SLIT2: variants seen among roughly 807,000 people sequenced by gnomAD.
SLIT2 encodes slit guidance ligand 2.
Under a neutral mutation model 185.7 loss-of-function variants are expected in SLIT2, and 41 were observed. That is an observed-to-expected ratio of 0.22 (90% CI 0.17 to 0.29). SLIT2 has a LOEUF of 0.29. Ranked by LOEUF, SLIT2 falls within the 10% of genes least tolerant of loss-of-function variation. The pLI is 1.00. For missense variants in SLIT2, 1,571 were observed against 1,909.0 expected (o/e 0.82, Z 3.30); for synonymous variants, 693 against 680.2 (o/e 1.02, Z -0.29).
At chr4:20,386,015 C>T (rs1724909989) in intron 4 of SLIT2, among the ~76,000 whole-genome samples, 1 of 152,182 alleles carries the variant, frequency 6.6e-6, no homozygotes, top group South Asian at 2.1e-4. Flanking sequence ...GTTATAACGG[C>T]CAAAGTCCAG....
chr4:20,333,546 C>A (rs1288351285), intron 4 of SLIT2, among the ~76,000 whole-genome samples: 1 of 152,096 alleles, frequency 6.6e-6, no homozygotes, highest in East Asian at 1.9e-4. Flanking sequence ...TGAAAATCAT[C>A]CTTGCTTACT....
In SLIT2 at chr4:20,568,878, G is replaced by A. The variant is rs966328291; in HGVS notation, c.2962G>A (p.Asp988Asn). Reference sequence around the variant, plus strand: ...TCTGGCATTCAGGTGTATTTGTGCTGATGGATTTGAAGGAGAAAATTGTGA... The same window carrying A: ...TCTGGCATTCAGGTGTATTTGTGCTAATGGATTTGAAGGAGAAAATTGTGA... ...EEDGFWCICA[D>N]GFEGENCEVN... The change falls in exon 29 of 37, where the codon GAT (aspartate) becomes AAT (asparagine). Residue 988 changes from aspartate (D) to asparagine (N), a missense_variant. By Grantham distance (23) the Asp-to-Asn change is conservative. Coordinates refer to ENST00000504154, the MANE Select transcript of SLIT2 (RefSeq NM_004787.4). 4 of 1,612,266 alleles carry A rather than the reference G, an allele frequency of 2.5e-6. No individual in the cohort carries two copies. The highest frequency in any genetic ancestry group is 3.4e-6 in the Non-Finnish European group (4 of 1,178,724).
chr4:20,253,600 C>T lies in SLIT2; in HGVS notation c.-216C>T, dbSNP rs1722210422. ...TCAGGACCTAAAGTTGCCCAAGGAG[C>T]TCCTGCTCTGCCAGAGGAGGGTGGA... On this transcript the variant is annotated 5_prime_UTR_variant, in exon 1 of 37. Transcript: ENST00000504154. 3 of 601,296 alleles carry T rather than the reference C, an allele frequency of 5.0e-6. No individual in the cohort carries two copies. Among genetic ancestry groups the T allele is most frequent in the South Asian group, 2.0e-5 (1 of 49,528 alleles). 37.2% of individuals were successfully genotyped at this position (601,296 alleles called of 1,614,324 possible).
At chr4:20,271,269 GA>G (rs146445431) in intron 4 of SLIT2, among the ~76,000 whole-genome samples, 5 of 150,774 alleles carry the variant, frequency 3.3e-5, no homozygotes, top group African/African-American at 1.2e-4. Context: ...AAATAATGGG[GA>G]AAAATGATAG....
chr4:20,521,102 C>G (rs926141010), intron 12 of SLIT2, among the ~76,000 whole-genome samples: 1 of 152,208 alleles, frequency 6.6e-6, no homozygotes, highest in African/African-American at 2.4e-5. Flanking sequence ...TTCACAATCA[C>G]TCTATCACTG....
chr4:20,606,990 T>G (rs2148974916), intron 33 of SLIT2, among the ~76,000 whole-genome samples: 1 of 152,312 alleles, frequency 6.6e-6, no homozygotes, highest in African/African-American at 2.4e-5. Flanking sequence ...GCACATACAC[T>G]TGAGCTGGAC....
intron 5 of SLIT2, among the ~76,000 whole-genome samples, chr4:20,475,316 GTTT>G (rs5856561): frequency 2.8e-5 from 4 of 140,804 alleles, no homozygotes; most frequent in African/African-American, 7.8e-5. Flanking sequence ...TGAGGTTTTG[GTTT>G]TTTTTTTTTT....
rs547534404 is a variant in SLIT2, at chr4:20,598,966, G to GGAA, written c.3692+573_3692+575dup. Among the ~76,000 whole-genome samples the GGAA allele has an allele frequency of 1.4e-3, 211 of 152,240 alleles. 1 individual carries two copies. The highest frequency in any genetic ancestry group is 0.01 in the Middle Eastern group (3 of 294). On this transcript the variant is annotated intron_variant, in intron 33 of 36. Coordinates refer to ENST00000504154, the MANE Select transcript of SLIT2 (RefSeq NM_004787.4). ...GGCTCAGAGCTGGGTAAAGAAAGTTGGAAGGGAGCTCCAGAGAATCAAATG... is the reference window on the plus strand; with the variant it reads ...GGCTCAGAGCTGGGTAAAGAAAGTTGGAAGAAGGGAGCTCCAGAGAATCAAATG...
intron 9 of SLIT2, among the ~76,000 whole-genome samples, chr4:20,505,927 A>G (rs1457929961): frequency 6.6e-6 from 1 of 152,114 alleles, no homozygotes; most frequent in Non-Finnish European, 1.5e-5. Flanking sequence ...AAGTGGAGAC[A>G]GAATGGGAAG....
chr4:20,339,129 A>ATTAAATAT (rs1373493323), intron 4 of SLIT2, among the ~76,000 whole-genome samples: 3 of 150,676 alleles, frequency 2.0e-5, no homozygotes, highest in Non-Finnish European at 3.0e-5. Context: ...CATTGTAATG[A>ATTAAATAT]TTAAATATTT....
chr4:20,276,715 T>C (rs1042743016), intron 4 of SLIT2, among the ~76,000 whole-genome samples: 7 of 152,190 alleles, frequency 4.6e-5, no homozygotes. Flanking sequence ...GCTCGAAGTA[T>C]GTGAATAGCT....
At chr4:20,305,897 A>G (rs1315365848) in intron 4 of SLIT2, among the ~76,000 whole-genome samples, 1 of 147,100 alleles carries the variant, frequency 6.8e-6, no homozygotes, top group Non-Finnish European at 1.5e-5. Context: ...TAATAATAAT[A>G]ATAATAATAA....
At chr4:20,342,511 A>C (rs986584937) in intron 4 of SLIT2, among the ~76,000 whole-genome samples, 1 of 152,072 alleles carries the variant, frequency 6.6e-6, no homozygotes, top group Admixed American at 6.6e-5. Flanking sequence ...GACTCACGCT[A>C]TTTCTAAATC....
At chr4:20,502,622 T>G (rs1718844398) in intron 9 of SLIT2, among the ~76,000 whole-genome samples, 1 of 152,140 alleles carries the variant, frequency 6.6e-6, no homozygotes, top group South Asian at 2.1e-4. Flanking sequence ...GTAGAGAACT[T>G]GAGGGCTTTT....
intron 4 of SLIT2, among the ~76,000 whole-genome samples, chr4:20,360,218 T>C (rs1199920863): frequency 6.6e-6 from 1 of 152,144 alleles, no homozygotes; most frequent in African/African-American, 2.4e-5. Flanking sequence ...ATCAACTGAA[T>C]ACCTATTATC....
intron 16 of SLIT2, among the ~76,000 whole-genome samples, chr4:20,531,665 C>T (rs1019502523): frequency 2.0e-5 from 3 of 151,800 alleles, no homozygotes; most frequent in Admixed American, 6.6e-5. Context: ...AGGGAAAAAA[C>T]AGTCTAGAAA....
Position 20,254,047 on chromosome 4 carries a change from G to A in SLIT2, c.179+53G>A. ...CTCCCCATCCGGGCCGCGCACCCCT[G>A]CCTCCACTGGAGGAACCTGTCAGCT... On this transcript the variant is annotated intron_variant, in intron 1 of 36. Transcript: ENST00000504154. The surrounding 1 kb of genome is among the most constrained non-coding windows in gnomAD (Gnocchi z 5.1). 1 of 1,549,470 alleles carries A rather than the reference G, an allele frequency of 6.5e-7. No individual in the cohort carries two copies. Among genetic ancestry groups the A allele is most frequent in the Admixed American group, 1.7e-5 (1 of 57,698 alleles).
chr4:20,583,803 C>G (rs970770411), intron 29 of SLIT2, among the ~76,000 whole-genome samples: 3 of 150,622 alleles, frequency 2.0e-5, no homozygotes, highest in Non-Finnish European at 3.0e-5. Flanking sequence ...AATGAGACTC[C>G]ATCACAAAAA....
At chr4:20,543,495 T>G (rs556171013) in intron 21 of SLIT2, among the ~76,000 whole-genome samples, 1 of 152,326 alleles carries the variant, frequency 6.6e-6, no homozygotes, top group South Asian at 2.1e-4. Flanking sequence ...TGTTTATTTT[T>G]TATCTATGTG....
Sources: allele counts gnomAD v4.1 joint callset (sites outside exome capture counted in the v4.1 genomes callset), GRCh38; gene constraint gnomAD v4.1.1; non-coding constraint Gnocchi (gnomAD v3.1); transcripts MANE v1.5; gene names NCBI Gene and HGNC (gene_info 2026-07-23, HGNC 2026-07-21).